CMTM7: variants seen among roughly 807,000 people sequenced by gnomAD.
CMTM7 encodes the protein CKLF-like MARVEL transmembrane domain-containing protein 7.
Under a neutral mutation model 19.3 loss-of-function variants are expected in CMTM7, and 7 were observed. The observed-to-expected ratio is 0.36, with a 90% CI of 0.21 to 0.68. The LOEUF is 0.68. CMTM7 is among the 30% of genes least tolerant of loss of function. CMTM7 has a pLI of 0.60. For missense variants in CMTM7, 193 were observed against 232.6 expected (o/e 0.83, Z 1.11); for synonymous variants, 87 against 99.3 (o/e 0.88, Z 0.74).
chr3:32,433,546 G>A (rs1056115007), intron 1 of CMTM7, among the ~76,000 whole-genome samples: 48 of 152,196 alleles, frequency 3.2e-4, no homozygotes, highest in Non-Finnish European at 4.4e-4. Flanking sequence ...TCTACCAAGT[G>A]TAAAGATGTT....
chr3:32,404,660 C>T (rs2343849), intron 1 of CMTM7, among the ~76,000 whole-genome samples: 1 of 152,254 alleles, frequency 6.6e-6, no homozygotes, highest in South Asian at 2.1e-4. Flanking sequence ...TATGGAAAGC[C>T]GTCTCCCACA....
chr3:32,393,858 A>G (rs1695876813), intron 1 of CMTM7, among the ~76,000 whole-genome samples: 1 of 151,758 alleles, frequency 6.6e-6, no homozygotes, highest in South Asian at 2.1e-4. Context: ...GAATAAAGAT[A>G]CTGGGAGATG....
intron 1 of CMTM7, among the ~76,000 whole-genome samples, chr3:32,417,688 TGA>T (rs1307997539): frequency 6.6e-6 from 1 of 152,232 alleles, no homozygotes; most frequent in Non-Finnish European, 1.5e-5. Context: ...CAGCAGTGTA[TGA>T]GAGTTCTTGT....
rs868674067 is a variant in CMTM7, at chr3:32,454,598, A to G, written c.*344A>G. The G allele has an allele frequency of 6.2e-6, 3 of 481,910 alleles. No individual in the cohort carries two copies. The Middle Eastern group carries it at 9.8e-4, about 157-fold the overall frequency. 29.9% of individuals were successfully genotyped at this position (481,910 alleles called of 1,614,324 possible). A position where few individuals can be genotyped will look rare whatever the true frequency, so the allele number is the denominator to read the frequency against. ...AGGGGTTTGTGAATACTCCCGCCTAAATCCCTTCTACTTCACTCCTCAGGG... is the reference window on the plus strand; with the variant it reads ...AGGGGTTTGTGAATACTCCCGCCTAGATCCCTTCTACTTCACTCCTCAGGG... On this transcript the variant is annotated 3_prime_UTR_variant, in exon 5 of 5. Coordinates refer to ENST00000334983, the MANE Select transcript of CMTM7 (RefSeq NM_138410.4).
Position 32,449,604 on chromosome 3 carries a change from A to T in CMTM7, c.432+52A>T, listed in dbSNP as rs1696800992. 1 of 1,375,684 alleles carries T rather than the reference A, an allele frequency of 7.3e-7. No individual in the cohort carries two copies. The highest frequency in any genetic ancestry group is 1.4e-5 in the African/African-American group (1 of 69,912). 85.2% of individuals were successfully genotyped at this position (1,375,684 alleles called of 1,614,324 possible). On this transcript the variant is annotated intron_variant, in intron 3 of 4. Coordinates refer to ENST00000334983, the MANE Select transcript of CMTM7 (RefSeq NM_138410.4). This position sits in a 1 kb window ranked among gnomAD's most constrained non-coding sequence, Gnocchi z 4.5. ...GAATGAATTCTTATTTAAAATGCTC[A>T]TTTTCTTCCTGATGGGGGAAGAGAA...
chr3:32,425,723 T>C (rs1301229518), intron 1 of CMTM7, among the ~76,000 whole-genome samples: 1 of 152,182 alleles, frequency 6.6e-6, no homozygotes, highest in Non-Finnish European at 1.5e-5. Context: ...AGGAAACACA[T>C]TGAGTTCACT....
At chr3:32,406,341 A>T (rs942766738) in intron 1 of CMTM7, among the ~76,000 whole-genome samples, 10 of 152,220 alleles carry the variant, frequency 6.6e-5, no homozygotes, top group African/African-American at 2.4e-4. Flanking sequence ...GTGTATGTAC[A>T]AGAATATGAG....
intron 1 of CMTM7, among the ~76,000 whole-genome samples, chr3:32,404,956 G>C (rs1696067840): frequency 6.6e-6 from 1 of 152,242 alleles, no homozygotes; most frequent in Non-Finnish European, 1.5e-5. Context: ...AGAGTCTCCT[G>C]CTGGCTCTGA....
intron 1 of CMTM7, among the ~76,000 whole-genome samples, chr3:32,432,642 C>T (rs1696536416): frequency 6.6e-6 from 1 of 152,208 alleles, no homozygotes; most frequent in South Asian, 2.1e-4. Flanking sequence ...CTGTGTCTCA[C>T]CTTCCTTTTT....
chr3:32,446,125 A>G (rs537621171), intron 2 of CMTM7, among the ~76,000 whole-genome samples: 1 of 58,706 alleles, frequency 1.7e-5, no homozygotes, highest in East Asian at 2.8e-4. Flanking sequence ...AGAATTTAGC[A>G]GTGACACTGG....
chr3:32,451,302 AC>A (rs1696825826), intron 3 of CMTM7: 3 of 152,384 alleles, frequency 2.0e-5, no homozygotes, highest in African/African-American at 7.2e-5. Flanking sequence ...CGCCATTCTC[AC>A]TGGACACCAG....
intron 1 of CMTM7, among the ~76,000 whole-genome samples, chr3:32,411,694 C>G (rs1401116189): frequency 6.6e-6 from 1 of 152,220 alleles, no homozygotes; most frequent in African/African-American, 2.4e-5. Context: ...CTGCTGGCAC[C>G]TATGACACAC....
chr3:32,404,809 T>C (rs150009257), intron 1 of CMTM7, among the ~76,000 whole-genome samples: 1 of 152,364 alleles, frequency 6.6e-6, no homozygotes, highest in African/African-American at 2.4e-5. Flanking sequence ...GGATGTCATA[T>C]GCCAAGGTGA....
At chr3:32,434,190 A>C (rs1696561849) in intron 1 of CMTM7, among the ~76,000 whole-genome samples, 1 of 152,208 alleles carries the variant, frequency 6.6e-6, no homozygotes, top group Non-Finnish European at 1.5e-5. Context: ...GCTCCGTCTC[A>C]AAAAATAATA....
At chr3:32,420,724 G>A (rs1371667486) in intron 1 of CMTM7, among the ~76,000 whole-genome samples, 2 of 152,208 alleles carry the variant, frequency 1.3e-5, no homozygotes, top group African/African-American at 4.8e-5. Context: ...CCTAAAAAAT[G>A]CAGCGGCCAG....
chr3:32,404,146 T>C (rs376004123), intron 1 of CMTM7, among the ~76,000 whole-genome samples: 1,820 of 93,312 alleles, frequency 0.02, 24 homozygotes, highest in South Asian at 0.066. Flanking sequence ...TTCTTTCTTT[T>C]TTTTTCTTTT....
chr3:32,447,809 C>G (rs1696773873), intron 2 of CMTM7, among the ~76,000 whole-genome samples: 1 of 152,110 alleles, frequency 6.6e-6, no homozygotes, highest in East Asian at 1.9e-4. Flanking sequence ...AAGTCTCTCT[C>G]CCATAGACAG....
chr3:32,452,385 A>G lies in CMTM7; in HGVS notation c.433-7A>G. Reference sequence around the variant, plus strand: ...TGTGAACTTCCTCTCCCCTCTCTCCACTGCAGATCTTTGGTTTCATGGCCA... The same window carrying G: ...TGTGAACTTCCTCTCCCCTCTCTCCGCTGCAGATCTTTGGTTTCATGGCCA... On this transcript the variant is annotated splice_polypyrimidine_tract_variant and splice_region_variant and intron_variant, in intron 3 of 4. Transcript: ENST00000334983. 6.2e-7 allele frequency: 1 copy of G among 1,614,012 alleles called. No homozygotes were observed. The highest frequency in any genetic ancestry group is 8.5e-7 in the Non-Finnish European group (1 of 1,179,990).
chr3:32,439,835 A>G (rs1170203746), intron 1 of CMTM7, among the ~76,000 whole-genome samples: 1 of 152,222 alleles, frequency 6.6e-6, no homozygotes, highest in Non-Finnish European at 1.5e-5. Flanking sequence ...GTAGTACTGT[A>G]GTTGAGGGGC....
Sources: gnomAD v4.1 joint callset for allele counts (sites outside exome capture counted in the v4.1 genomes callset) on GRCh38, gnomAD v4.1.1 for gene constraint, Gnocchi (gnomAD v3.1) non-coding constraint, MANE v1.5 for transcripts, NCBI Gene and HGNC (gene_info 2026-07-23, HGNC 2026-07-21) for gene names.